Variants in NEURL1B observed in about 807,000 individuals in gnomAD.
NEURL1B encodes neuralized E3 ubiquitin protein ligase 1B, also known as E3 ubiquitin-protein ligase NEURL1B.
NEURL1B carries 13 observed loss-of-function variants against 37.4 expected under a neutral mutation model. The observed-to-expected ratio is 0.35, with a 90% confidence interval of 0.23 to 0.55. The LOEUF is 0.55. NEURL1B is among the 20% of genes least tolerant of loss of function. NEURL1B has a pLI of 0.89. For missense variants in NEURL1B, 790 were observed against 879.2 expected (o/e 0.90, Z 1.28); for synonymous variants, 432 against 426.6 (o/e 1.01, Z -0.16).
Position 172,686,132 on chromosome 5 carries a change from A to G in NEURL1B, c.1298-39A>G, listed in dbSNP as rs1009807675. ...ACCATGGACTAGCAGGGCAGGTCCA[A>G]CCTTCCACTGCCCCTGATGGAATCT... On this transcript the variant is annotated intron_variant, in intron 3 of 4. Transcript: ENST00000369800. This position sits in a 1 kb window ranked among gnomAD's most constrained non-coding sequence, Gnocchi z 7.9. 2 of 1,548,824 alleles carry G rather than the reference A, an allele frequency of 1.3e-6. No individual in the cohort carries two copies. The highest frequency in any genetic ancestry group is 4.9e-5 in the East Asian group (2 of 40,918).
rs1475948726 is a variant in NEURL1B at position 172,683,821 on chromosome 5, T to C, written c.980T>C (p.Val327Ala). 1.2e-5 allele frequency: 16 copies of C among 1,319,344 alleles called. No homozygotes were observed. The highest frequency in any genetic ancestry group is 1.4e-5 in the Non-Finnish European group (14 of 1,031,774). The allele number at this position is 1,319,344 out of a possible 1,614,324, so 81.7% of individuals were successfully genotyped here. A position where few individuals can be genotyped will look rare whatever the true frequency, so the allele number is the denominator to read the frequency against. The change falls in exon 3 of 5, where the codon GTG (valine) becomes GCG (alanine). Residue 327 changes from valine (V) to alanine (A), a missense_variant. Val to Ala is a moderately conservative substitution (Grantham distance 64, BLOSUM62 0). Coordinates refer to ENST00000369800, the MANE Select transcript of NEURL1B (RefSeq NM_001142651.3). The surrounding 1 kb of genome is among the most constrained non-coding windows in gnomAD (Gnocchi z 5.6). ...LRPGESLFVEVGRPGLAAPGA... is the reference protein window; with the variant it reads ...LRPGESLFVEAGRPGLAAPGA... The stretch of plus-strand genomic sequence containing the variant: ...CCCGGCGAGAGCCTCTTCGTGGAGG[T>C]GGGCCGTCCGGGGCTGGCGGCGCCC...
intron 1 of NEURL1B, among the ~76,000 whole-genome samples, chr5:172,664,887 C>A (rs1307038506): frequency 6.6e-6 from 1 of 152,180 alleles, no homozygotes; most frequent in East Asian, 1.9e-4. Context: ...ATCATATAAT[C>A]AAGATTAAAC....
At chr5:172,660,268 C>T (rs1757870122) in intron 1 of NEURL1B, among the ~76,000 whole-genome samples, 1 of 152,216 alleles carries the variant, frequency 6.6e-6, no homozygotes, top group Non-Finnish European at 1.5e-5. Flanking sequence ...GCTTGGGAAT[C>T]CCAGCCCTGG....
intron 2 of NEURL1B, among the ~76,000 whole-genome samples, chr5:172,682,465 A>C (rs1758374088): frequency 1.3e-5 from 2 of 152,126 alleles, no homozygotes; most frequent in Non-Finnish European, 2.9e-5. Flanking sequence ...AATCCCAGCT[A>C]CTCGGGAGGC....
chr5:172,686,357 G>A lies in NEURL1B; in HGVS notation c.1423+61G>A. ...GGCGGCTGGCCTGGCTCCTCCGGCT[G>A]TGCCAGTGGCCTTCCAGGGACTGAG... On this transcript the variant is annotated intron_variant, in intron 4 of 4. Coordinates refer to ENST00000369800, the MANE Select transcript of NEURL1B (RefSeq NM_001142651.3). This position sits in a 1 kb window ranked among gnomAD's most constrained non-coding sequence, Gnocchi z 7.9. 2.0e-6 allele frequency: 3 copies of A among 1,521,830 alleles called. No individual in the cohort carries two copies. The highest frequency in any genetic ancestry group is 1.4e-5 in the African/African-American group (1 of 72,704). 94.3% of individuals were successfully genotyped at this position (1,521,830 alleles called of 1,614,324 possible).
At position 172,686,982 on chromosome 5, in the gene NEURL1B, G is replaced by A; in HGVS notation, c.*57G>A. The A allele has an allele frequency of 6.6e-7, 1 of 1,508,524 alleles. No individual in the cohort carries two copies. The highest frequency in any genetic ancestry group is 8.9e-7 in the Non-Finnish European group (1 of 1,120,072). The allele number at this position is 1,508,524 out of a possible 1,614,324, so 93.4% of individuals were successfully genotyped here. A position where few individuals can be genotyped will look rare whatever the true frequency, so the allele number is the denominator to read the frequency against. On this transcript the variant is annotated 3_prime_UTR_variant, in exon 5 of 5. Transcript: ENST00000369800. This position sits in a 1 kb window ranked among gnomAD's most constrained non-coding sequence, Gnocchi z 7.9. ...AGGTCACCTTTCTGAAGGCCCCCTG[G>A]GCTGGGCAACCACATGGCTGCCAGG...
At position 172,665,684 on chromosome 5, in the gene NEURL1B, T is replaced by C. The variant is rs554508486; in HGVS notation, c.32-4101T>C. Among the ~76,000 whole-genome samples the C allele has an allele frequency of 3.3e-5, 5 of 150,706 alleles. No individual in the cohort carries two copies. The highest frequency in any genetic ancestry group is 5.9e-5 in the Non-Finnish European group (4 of 67,610). On this transcript the variant is annotated intron_variant, in intron 1 of 4. Transcript: ENST00000369800. This position sits in a 1 kb window ranked among gnomAD's most constrained non-coding sequence, Gnocchi z 4.1. ...CCCCCTGCCACACCTACCGTATCACTTTACCCTCCCCCCAAATTCCAGCCT... is the reference window on the plus strand; with the variant it reads ...CCCCCTGCCACACCTACCGTATCACCTTACCCTCCCCCCAAATTCCAGCCT...
At position 172,683,553 on chromosome 5, in the gene NEURL1B, C is replaced by T. The variant is rs753072636; in HGVS notation, c.712C>T (p.Leu238=). The change falls in exon 3 of 5, where the codon CTG becomes TTG. Residue 238 remains leucine, a synonymous_variant. Transcript: ENST00000369800. The surrounding 1 kb of genome is among the most constrained non-coding windows in gnomAD (Gnocchi z 5.6). The part of the protein sequence containing the change: ...ELENNQVVAK[L]GHLALGRAPG... ...CGAGAACAACCAGGTGGTGGCCAAG[C>T]TGGGCCACCTGGCGCTGGGCCGCGC... 4.7e-6 allele frequency: 7 copies of T among 1,477,802 alleles called. No homozygotes were observed. Among genetic ancestry groups the T allele is most frequent in the Middle Eastern group, 1.8e-4 (1 of 5,668 alleles). 91.5% of individuals were successfully genotyped at this position (1,477,802 alleles called of 1,614,324 possible).
At chr5:172,655,713 G>A (rs2113274642) in intron 1 of NEURL1B, among the ~76,000 whole-genome samples, 1 of 151,288 alleles carries the variant, frequency 6.6e-6, no homozygotes, top group South Asian at 2.1e-4. Context: ...AAGCTAGGTT[G>A]CTGGCCAGTG....
chr5:172,682,670 G>A (rs1357137444), intron 2 of NEURL1B, among the ~76,000 whole-genome samples: 2 of 152,296 alleles, frequency 1.3e-5, no homozygotes, highest in East Asian at 1.9e-4. Flanking sequence ...CACCTATCCA[G>A]GGCCAGGCAC....
intron 1 of NEURL1B, among the ~76,000 whole-genome samples, chr5:172,643,810 C>A (rs1444004596): frequency 6.6e-6 from 1 of 152,136 alleles, no homozygotes; most frequent in Non-Finnish European, 1.5e-5. Context: ...AGAGAGCTGG[C>A]ATTTGCTGAG....
chr5:172,641,431 C>T lies in NEURL1B; in HGVS notation c.25C>T (p.Leu9=). The change falls in exon 1 of 5, where the codon CTG becomes TTG. Residue 9 remains leucine (L), a synonymous_variant. Coordinates refer to ENST00000369800, the MANE Select transcript of NEURL1B (RefSeq NM_001142651.3). This position sits in a 1 kb window ranked among gnomAD's most constrained non-coding sequence, Gnocchi z 6.4. MGNTVHRT[L]PDPSPPARLL... is the part of the protein sequence containing the mutation. The stretch of plus-strand genomic sequence containing the variant: ...GATGGGCAACACGGTGCACCGGACC[C>T]TGCCAGGTACGCCGGGGAGCCCTGC... 1.5e-6 allele frequency: 2 copies of T among 1,333,802 alleles called. No individual in the cohort carries two copies. Among genetic ancestry groups the T allele is most frequent in the Non-Finnish European group, 1.9e-6 (2 of 1,044,998 alleles). 82.6% of individuals were successfully genotyped at this position (1,333,802 alleles called of 1,614,324 possible).
At chr5:172,672,767 A>G (rs1018075588) in intron 2 of NEURL1B, among the ~76,000 whole-genome samples, 1 of 151,880 alleles carries the variant, frequency 6.6e-6, no homozygotes, top group Admixed American at 6.6e-5. Context: ...TTTTTTTTTA[A>G]TCTGCCTCAT....
chr5:172,662,639 T>C (rs757439935), intron 1 of NEURL1B, among the ~76,000 whole-genome samples: 46 of 152,210 alleles, frequency 3.0e-4, no homozygotes, highest in Non-Finnish European at 4.4e-4. Context: ...TGCTCAAGGC[T>C]CTCAGACAAA....
chr5:172,660,632 GTTTT>G (rs1284097003), intron 1 of NEURL1B, among the ~76,000 whole-genome samples: 1 of 152,136 alleles, frequency 6.6e-6, no homozygotes, highest in Admixed American at 6.5e-5. Context: ...GGTTGGTTAT[GTTTT>G]TTCTTTTCTC....
At chr5:172,685,859 GAAC>G (rs1758482599) in intron 3 of NEURL1B, among the ~76,000 whole-genome samples, 1 of 152,162 alleles carries the variant, frequency 6.6e-6, no homozygotes, top group Non-Finnish European at 1.5e-5. Context: ...GCCCTTTCCT[GAAC>G]CACCACTATT....
intron 1 of NEURL1B, among the ~76,000 whole-genome samples, chr5:172,654,573 T>A (rs1757729377): frequency 1.5e-4 from 1 of 6,650 alleles, no homozygotes; most frequent in South Asian, 4.1e-3. Flanking sequence ...GTTAAACTAT[T>A]TTTTTTTTTT....
At chr5:172,655,105 G>A (rs988582451) in intron 1 of NEURL1B, among the ~76,000 whole-genome samples, 1 of 152,048 alleles carries the variant, frequency 6.6e-6, no homozygotes, top group Non-Finnish European at 1.5e-5. Flanking sequence ...CTAGGGAAGG[G>A]ACCGGAGGGA....
rs1758413680 is a variant in NEURL1B at position 172,683,657 on chromosome 5, G to A, written c.816G>A (p.Ser272=). ...GTGAGCGCCCGCGGCCCGCGTCGTC[G>A]CCGGCGCTACTGGAGGCCGACCTGC... ...GPRERPRPAS[S]PALLEADLRF... Residue 272 remains serine, a synonymous_variant, in exon 3 of 5, where the codon TCG becomes TCA. Coordinates refer to ENST00000369800, the MANE Select transcript of NEURL1B (RefSeq NM_001142651.3). This position sits in a 1 kb window ranked among gnomAD's most constrained non-coding sequence, Gnocchi z 5.6. 3 of 1,271,838 alleles carry A rather than the reference G, an allele frequency of 2.4e-6. No individual in the cohort carries two copies. The highest frequency in any genetic ancestry group is 2.0e-6 in the Non-Finnish European group (2 of 1,001,010). 78.8% of individuals were successfully genotyped at this position (1,271,838 alleles called of 1,614,324 possible).
Sources: allele counts gnomAD v4.1 joint callset (sites outside exome capture counted in the v4.1 genomes callset), GRCh38; gene constraint gnomAD v4.1.1; non-coding constraint Gnocchi (gnomAD v3.1); transcripts MANE v1.5; gene names NCBI Gene and HGNC (gene_info 2026-07-23, HGNC 2026-07-21).